Variants in OR2L13 observed in about 807,000 individuals in gnomAD.
The protein encoded by OR2L13 is olfactory receptor 2L13.
In OR2L13, 14 loss-of-function variants were observed where a neutral mutation model predicts 15.3. The ratio of observed to expected loss-of-function variants is 0.91; its 90% CI spans 0.60 to 1.43. The LOEUF is 1.43. Ranked by LOEUF, OR2L13 falls within the 40% of genes most tolerant of loss-of-function variation. OR2L13 has a pLI of 0.00. For synonymous variants in OR2L13, 152 were observed against 142.9 expected (o/e 1.06, Z -0.45); for missense variants, 367 against 387.9 (o/e 0.95, Z 0.45).
the OR2L13 span, chr1:247,990,552 G>A: frequency 3.8e-6 from 6 of 1,565,494 alleles, no homozygotes; most frequent in South Asian, 2.2e-5. Context: ...CCTTCACTGG[G>A]TGTGGGATTC....
At chr1:248,084,520 A>G in the OR2L13 span, 21 of 1,613,432 alleles carry the variant, frequency 1.3e-5, no homozygotes, top group South Asian at 2.3e-4. Flanking sequence ...AACCATCATG[A>G]AGAGGACTTG....
At chr1:247,990,846 C>G in the OR2L13 span, 1 of 1,565,136 alleles carries the variant, frequency 6.4e-7, no homozygotes. Flanking sequence ...ATACCTGGGT[C>G]TATGAGTGCA....
the OR2L13 span, among the ~76,000 whole-genome samples, chr1:248,052,218 C>T: frequency 6.6e-6 from 1 of 152,090 alleles, no homozygotes; most frequent in African/African-American, 2.4e-5. Flanking sequence ...TATAAACATC[C>T]AACTTCAATA....
the OR2L13 span, among the ~76,000 whole-genome samples, chr1:247,978,591 TTAAAA>T: frequency 6.6e-6 from 1 of 152,206 alleles, no homozygotes; most frequent in East Asian, 1.9e-4. Flanking sequence ...ATTAAAAAAT[TTAAAA>T]TAAACAGGTC....
the OR2L13 span, chr1:247,949,742 G>A: frequency 1.2e-6 from 2 of 1,613,454 alleles, no homozygotes; most frequent in South Asian, 2.2e-5. Context: ...GGAACAAGGA[G>A]GTGATGGGGG....
At chr1:247,970,410 C>T in the OR2L13 span, among the ~76,000 whole-genome samples, 15 of 152,044 alleles carry the variant, frequency 9.9e-5, no homozygotes, top group Admixed American at 9.2e-4. Context: ...TATTCCATGG[C>T]AACAATGTAA....
the OR2L13 span, among the ~76,000 whole-genome samples, chr1:248,008,312 A>G: frequency 6.6e-6 from 1 of 152,172 alleles, no homozygotes; most frequent in Non-Finnish European, 1.5e-5. Flanking sequence ...GATTTTTTCT[A>G]TAATTTATCA....
At chr1:248,049,734 A>G in the OR2L13 span, among the ~76,000 whole-genome samples, 4 of 152,128 alleles carry the variant, frequency 2.6e-5, no homozygotes, top group African/African-American at 9.7e-5. Context: ...TTTTTGTTTT[A>G]ATAATTTTTT....
At chr1:248,068,271 A>G in the OR2L13 span, among the ~76,000 whole-genome samples, 1 of 152,060 alleles carries the variant, frequency 6.6e-6, no homozygotes, top group African/African-American at 2.4e-5. Flanking sequence ...CTGACACCTC[A>G]CACGGCCGGG....
chr1:247,993,204 C>T, the OR2L13 span, among the ~76,000 whole-genome samples: 8 of 152,174 alleles, frequency 5.3e-5, no homozygotes, highest in Middle Eastern at 3.4e-3. Context: ...GTTCATGTAA[C>T]TTCTGCATTT....
the OR2L13 span, among the ~76,000 whole-genome samples, chr1:248,002,871 G>A: frequency 0.013 from 1,952 of 149,098 alleles, 25 homozygotes; most frequent in Non-Finnish European, 0.022. Context: ...AAAAAAAAGA[G>A]TTATGGTGGA....
the OR2L13 span, among the ~76,000 whole-genome samples, chr1:248,050,629 T>G: frequency 6.6e-6 from 1 of 152,202 alleles, no homozygotes; most frequent in Non-Finnish European, 1.5e-5. Context: ...TCTTTAAAAT[T>G]AGGATAATGT....
chr1:248,020,985 G>GGCT, the OR2L13 span, among the ~76,000 whole-genome samples: 1 of 151,712 alleles, frequency 6.6e-6, no homozygotes, highest in Non-Finnish European at 1.5e-5. Context: ...ATAAGTCACA[G>GGCT]GCTGCTGCAG....
At chr1:248,048,921 C>CTTTTTTTTTT in the OR2L13 span, among the ~76,000 whole-genome samples, 1 of 141,958 alleles carries the variant, frequency 7.0e-6, no homozygotes, top group African/African-American at 2.8e-5. Context: ...TTTTCTCTCT[C>CTTTTTTTTTT]TCTTTTTTTT....
At chr1:248,023,144 T>G in the OR2L13 span, 3 of 297,708 alleles carry the variant, frequency 1.0e-5, no homozygotes, top group Non-Finnish European at 1.9e-5. Context: ...TTATCATGTA[T>G]AAATCAAAAC....
At chr1:248,047,636 G>C in the OR2L13 span, among the ~76,000 whole-genome samples, 1 of 151,872 alleles carries the variant, frequency 6.6e-6, no homozygotes, top group Admixed American at 6.6e-5. Context: ...TTTTTCTTTC[G>C]GGACACAAGG....
the OR2L13 span, among the ~76,000 whole-genome samples, chr1:248,088,311 A>G: frequency 3.4e-4 from 51 of 152,202 alleles, 1 homozygote; most frequent in Middle Eastern, 3.4e-3. Context: ...CTGGGCCCCA[A>G]TGCTTGGATA....
the OR2L13 span, among the ~76,000 whole-genome samples, chr1:248,011,113 T>G: frequency 6.6e-6 from 1 of 152,184 alleles, no homozygotes; most frequent in Non-Finnish European, 1.5e-5. Context: ...CCATGTTTAG[T>G]GCTTCCTTCA....
the OR2L13 span, chr1:248,040,398 A>G: frequency 6.6e-6 from 1 of 152,202 alleles, no homozygotes; most frequent in Non-Finnish European, 1.5e-5. Context: ...GCAGTGGTGA[A>G]TGACTGAATG....
Sources: gnomAD v4.1 joint callset for allele counts (sites outside exome capture counted in the v4.1 genomes callset) on GRCh38, gnomAD v4.1.1 for gene constraint, MANE v1.5 for transcripts, NCBI Gene and HGNC (gene_info 2026-07-23, HGNC 2026-07-21) for gene names.